The following GLRA2 variants were observed in gnomAD, a reference collection of about 807,000 sequenced individuals.
GLRA2 encodes the protein glycine receptor alpha 2.
A neutral mutation model predicts 31.6 loss-of-function variants in GLRA2; 11 were observed. The ratio of observed to expected loss-of-function variants is 0.35; its 90% CI spans 0.22 to 0.58. The LOEUF (loss-of-function observed/expected upper bound fraction) is 0.58. GLRA2 is among the 20% of genes least tolerant of loss of function. The pLI is 0.84. For synonymous variants in GLRA2, 132 were observed against 134.0 expected (o/e 0.99, Z 0.10); for missense variants, 212 against 351.8 (o/e 0.60, Z 3.18).
chrX:14,682,154 G>A lies in GLRA2; in HGVS notation c.931-8556G>A, dbSNP rs944083173. ...AACATGGCCCCTAACTCAGATGAGA[G>A]AAAGGGGAAAGGTCGGGATATTCCC... On this transcript the variant is annotated intron_variant, in intron 7 of 8. Coordinates refer to ENST00000218075, the MANE Select transcript of GLRA2 (RefSeq NM_002063.4). Among the ~76,000 whole-genome samples the A allele has an allele frequency of 6.6e-4, 71 of 107,577 alleles. 1 individual carries two copies. Among genetic ancestry groups the A allele is most frequent in the African/African-American group, 2.3e-3 (69 of 29,697 alleles). The allele number at this position is 107,577 out of a possible 115,157, so 93.4% of individuals were successfully genotyped here.
rs187698258 is a variant in GLRA2, at chrX:14,714,608, C to T, written c.1081-15599C>T. On this transcript the variant is annotated intron_variant, in intron 8 of 8. Transcript: ENST00000218075. ...CCACAACTGAGTTCTGTTTGTTCTC[C>T]CCTGCCCATACATTTTCCCCACTAC... Among the ~76,000 whole-genome samples the T allele has an allele frequency of 1.5e-3, 172 of 111,650 alleles. 1 individual carries two copies. The highest frequency in any genetic ancestry group is 2.9e-3 in the Non-Finnish European group (152 of 53,084).
At chrX:14,457,874 T>A in the GLRA2 span, among the ~76,000 whole-genome samples, 7 of 99,088 alleles carry the variant, frequency 7.1e-5, no homozygotes, top group East Asian at 2.0e-3. Context: ...GTTTCTTGAC[T>A]TTTTTTTTTA....
At chrX:14,510,009 G>A in the GLRA2 span, among the ~76,000 whole-genome samples, 2 of 111,752 alleles carry the variant, frequency 1.8e-5, no homozygotes, top group African/African-American at 6.5e-5. Context: ...TTATCTCATA[G>A]GCAGTGGTAG....
chrX:14,449,069 G>A, the GLRA2 span, among the ~76,000 whole-genome samples: 1 of 112,450 alleles, frequency 8.9e-6, no homozygotes, highest in Non-Finnish European at 1.9e-5. Flanking sequence ...GCGTGAGCTG[G>A]AACCTGACCC....
At chrX:14,631,161 T>C (rs764642858) in intron 7 of GLRA2, among the ~76,000 whole-genome samples, 2 of 111,828 alleles carry the variant, frequency 1.8e-5, no homozygotes, top group South Asian at 7.4e-4. Flanking sequence ...CATTAACCTT[T>C]TCTTTTGCAA....
At chrX:14,631,470 G>C (rs1358402259) in intron 7 of GLRA2, among the ~76,000 whole-genome samples, 1 of 111,052 alleles carries the variant, frequency 9.0e-6, no homozygotes, top group Non-Finnish European at 1.9e-5. Context: ...TTAGATTCCA[G>C]ACATTGTGGT....
At chrX:14,620,004 T>C (rs1488575888) in intron 7 of GLRA2, among the ~76,000 whole-genome samples, 1 of 63,459 alleles carries the variant, frequency 1.6e-5, no homozygotes, top group African/African-American at 5.6e-5. Context: ...CGCCCCCCCG[T>C]TTTTTTTTTT....
intron 2 of GLRA2, among the ~76,000 whole-genome samples, chrX:14,558,270 G>A (rs1402459889): frequency 8.9e-6 from 1 of 111,804 alleles, no homozygotes; most frequent in African/African-American, 3.2e-5. Flanking sequence ...GATCTATTAA[G>A]GAACCATTAC....
intron 7 of GLRA2, among the ~76,000 whole-genome samples, chrX:14,659,995 C>A (rs1402194664): frequency 9.0e-6 from 1 of 111,502 alleles, no homozygotes; most frequent in Admixed American, 9.5e-5. Flanking sequence ...TGCCAAGTAC[C>A]CTTGGGATTT....
chrX:14,647,551 C>T (rs2090844344), intron 7 of GLRA2, among the ~76,000 whole-genome samples: 1 of 111,486 alleles, frequency 9.0e-6, no homozygotes, highest in Non-Finnish European at 1.9e-5. Context: ...CAATGGGACC[C>T]TGCTAATAGA....
intron 4 of GLRA2, among the ~76,000 whole-genome samples, chrX:14,600,309 G>A (rs1205874142): frequency 9.0e-6 from 1 of 110,966 alleles, no homozygotes; most frequent in Non-Finnish European, 1.9e-5. Flanking sequence ...TATTAAAGTT[G>A]GGTTGTTTCC....
the GLRA2 span, among the ~76,000 whole-genome samples, chrX:14,489,957 A>T: frequency 9.1e-6 from 1 of 110,256 alleles, no homozygotes; most frequent in Non-Finnish European, 1.9e-5. Context: ...CTTTCCAAAC[A>T]TGAGGAAATA....
intron 4 of GLRA2, among the ~76,000 whole-genome samples, chrX:14,591,174 G>A (rs1345181298): frequency 8.9e-6 from 1 of 111,782 alleles, no homozygotes; most frequent in East Asian, 2.8e-4. Context: ...GTATTAGTCA[G>A]GGTTCCCTAG....
At chrX:14,484,442 AG>A in the GLRA2 span, among the ~76,000 whole-genome samples, 277 of 112,395 alleles carry the variant, frequency 2.5e-3, 1 homozygote, top group African/African-American at 8.5e-3. Flanking sequence ...AGAATACTTA[AG>A]GTTGTTGACC....
the GLRA2 span, among the ~76,000 whole-genome samples, chrX:14,476,921 GAC>G: frequency 8.9e-6 from 1 of 111,889 alleles, no homozygotes; most frequent in Non-Finnish European, 1.9e-5. Context: ...GAGGAAGGAA[GAC>G]ACTGAGTTAT....
chrX:14,686,667 C>G lies in GLRA2; in HGVS notation c.931-4043C>G, dbSNP rs142887091. On this transcript the variant is annotated intron_variant, in intron 7 of 8. Coordinates refer to ENST00000218075, the MANE Select transcript of GLRA2 (RefSeq NM_002063.4). ...CCTTTTTTTTGTTTTCCATTTGCTT[C>G]GTAGATCTTCCTCCATCCCTTTATT... Among the ~76,000 whole-genome samples, 596 of 111,009 alleles carry G rather than the reference C, an allele frequency of 5.4e-3. 3 individuals are homozygous for G. The highest frequency in any genetic ancestry group is 0.019 in the African/African-American group (565 of 30,538).
At chrX:14,685,361 C>T (rs2091264314) in intron 7 of GLRA2, among the ~76,000 whole-genome samples, 1 of 111,913 alleles carries the variant, frequency 8.9e-6, no homozygotes, top group African/African-American at 3.2e-5. Context: ...CCCTCTTTTT[C>T]TATTGATGGC....
At chrX:14,552,816 AAC>A (rs1245337927) in intron 2 of GLRA2, among the ~76,000 whole-genome samples, 2 of 112,022 alleles carry the variant, frequency 1.8e-5, no homozygotes, top group African/African-American at 6.5e-5. Flanking sequence ...TGTCTGGTAC[AAC>A]ACACAAAATT....
chrX:14,482,277 T>C, the GLRA2 span, among the ~76,000 whole-genome samples: 5 of 112,060 alleles, frequency 4.5e-5, no homozygotes, highest in Non-Finnish European at 9.4e-5. Flanking sequence ...ATATTGGAAG[T>C]AGATGCATAT....
Sources: allele counts gnomAD v4.1 joint callset (sites outside exome capture counted in the v4.1 genomes callset), GRCh38; gene constraint gnomAD v4.1.1; transcripts MANE v1.5; gene names NCBI Gene and HGNC (gene_info 2026-07-23, HGNC 2026-07-21).